Variants in MET observed in about 807,000 individuals in gnomAD.
MET encodes MET proto-oncogene, receptor tyrosine kinase.
Under a neutral mutation model 133.1 loss-of-function variants are expected in MET, and 48 were observed. The ratio of observed to expected loss-of-function variants is 0.36; its 90% CI spans 0.29 to 0.46. The LOEUF is 0.46. Ranked by LOEUF, MET falls within the 20% of genes least tolerant of loss-of-function variation. The pLI is 1.00. For synonymous variants in MET, 628 were observed against 616.5 expected (o/e 1.02, Z -0.28); for missense variants, 1,442 against 1,695.9 (o/e 0.85, Z 2.63).
chr7:116,785,504 A>T (rs1795284769), intron 19 of MET, among the ~76,000 whole-genome samples: 1 of 152,100 alleles, frequency 6.6e-6, no homozygotes, highest in Non-Finnish European at 1.5e-5. Flanking sequence ...AAACAACCAG[A>T]TCTCCGTAGA....
intron 2 of MET, among the ~76,000 whole-genome samples, chr7:116,703,541 G>A (rs939043131): frequency 3.3e-5 from 5 of 152,068 alleles, no homozygotes; most frequent in African/African-American, 1.2e-4. Context: ...AGGCCCATAT[G>A]TAGGGAGAAA....
At chr7:116,700,812 T>TA (rs1269394190) in intron 2 of MET, among the ~76,000 whole-genome samples, 1 of 152,210 alleles carries the variant, frequency 6.6e-6, no homozygotes, top group Non-Finnish European at 1.5e-5. Flanking sequence ...AACTTAACTT[T>TA]AAAAAACCTC....
intron 3 of MET, among the ~76,000 whole-genome samples, chr7:116,734,623 A>C (rs1434698879): frequency 6.6e-6 from 1 of 152,256 alleles, no homozygotes; most frequent in Non-Finnish European, 1.5e-5. Flanking sequence ...ATATCTGCAG[A>C]GCCATGTCAA....
chr7:116,678,837 C>T (rs955229338), intron 1 of MET, among the ~76,000 whole-genome samples: 1 of 152,132 alleles, frequency 6.6e-6, no homozygotes, highest in Non-Finnish European at 1.5e-5. Flanking sequence ...TAAATCATTA[C>T]TCACAAACTG....
chr7:116,763,885 G>C (rs1038802243), intron 11 of MET, among the ~76,000 whole-genome samples: 1 of 152,188 alleles, frequency 6.6e-6, no homozygotes, highest in African/African-American at 2.4e-5. Context: ...ATAAAGACTA[G>C]AGTGCAGCTT....
intron 1 of MET, among the ~76,000 whole-genome samples, chr7:116,689,701 T>A (rs1245964675): frequency 6.6e-6 from 1 of 151,442 alleles, no homozygotes; most frequent in African/African-American, 2.4e-5. Context: ...CCACAGTAGC[T>A]GGGACTATAG....
At chr7:116,698,250 C>T (rs374557763) in intron 1 of MET, among the ~76,000 whole-genome samples, 6 of 152,252 alleles carry the variant, frequency 3.9e-5, no homozygotes, top group African/African-American at 1.4e-4. Flanking sequence ...CATAGAAATA[C>T]TGTCTATATG....
chr7:116,715,673 A>G (rs776449230), intron 2 of MET, among the ~76,000 whole-genome samples: 17 of 152,198 alleles, frequency 1.1e-4, no homozygotes, highest in Non-Finnish European at 2.5e-4. Flanking sequence ...TTAAGCCTCA[A>G]AACAAATCTG....
intron 2 of MET, 142 bp from the exon 3 acceptor site, chr7:116,731,526 A>G: frequency 5.1e-6 from 4 of 787,032 alleles, no homozygotes; most frequent in Non-Finnish European, 4.2e-6. Context: ...AGAAATATTT[A>G]TGCCTATCTG....
chr7:116,682,355 T>A (rs1387785357), intron 1 of MET, among the ~76,000 whole-genome samples: 1 of 152,270 alleles, frequency 6.6e-6, no homozygotes, highest in Non-Finnish European at 1.5e-5. Context: ...CAGAGTTAGA[T>A]GATCATTATA....
rs1443564966 is a variant in MET at position 116,797,293 on chromosome 7, G to T, written c.*1169G>T. On this transcript the variant is annotated 3_prime_UTR_variant, in exon 21 of 21. Coordinates refer to ENST00000397752, the MANE Select transcript of MET (RefSeq NM_000245.4). ...AAAAGGTTCATTGGTTCCAATCACA[G>T]CTCATAGGTAGAGCAAAGAAAGGGT... 2 of 224,308 alleles carry T rather than the reference G, an allele frequency of 8.9e-6. No individual in the cohort carries two copies. Among genetic ancestry groups the T allele is most frequent in the Non-Finnish European group, 1.8e-5 (2 of 112,932 alleles). The allele number at this position is 224,308 out of a possible 1,614,324, so 13.9% of individuals were successfully genotyped here.
intron 3 of MET, among the ~76,000 whole-genome samples, chr7:116,733,041 A>T (rs1793077980): frequency 6.6e-6 from 1 of 151,852 alleles, no homozygotes; most frequent in South Asian, 2.1e-4. Flanking sequence ...TCCTCTGTCC[A>T]TTCCACTGTG....
In MET at chr7:116,672,557, C is replaced by G. The variant is rs1796012626; in HGVS notation, c.-35C>G. On this transcript the variant is annotated 5_prime_UTR_variant, in exon 1 of 21. Coordinates refer to ENST00000397752, the MANE Select transcript of MET (RefSeq NM_000245.4). ...GGTCCTTGCGCCGCTGACTTCTCCACTGGTTCCTGGGCACCGAAAGGTAAA... is the reference window on the plus strand; with the variant it reads ...GGTCCTTGCGCCGCTGACTTCTCCAGTGGTTCCTGGGCACCGAAAGGTAAA... 2.5e-6 allele frequency: 1 copy of G among 395,550 alleles called. No individual in the cohort carries two copies. Among genetic ancestry groups the G allele is most frequent in the Admixed American group, 4.4e-5 (1 of 22,630 alleles). The allele number at this position is 395,550 out of a possible 1,614,324, so 24.5% of individuals were successfully genotyped here.
At chr7:116,769,876 G>T (rs1013805784) in intron 12 of MET, 85 bp downstream of exon 12, 3 of 1,581,988 alleles carry the variant, frequency 1.9e-6, no homozygotes, top group South Asian at 1.1e-5. Flanking sequence ...AATCATTAAA[G>T]CTCATTTATG....
chr7:116,796,243 G>C lies in MET; in HGVS notation c.*119G>C. The C allele has an allele frequency of 1.1e-6, 1 of 895,934 alleles. No homozygotes were observed. The highest frequency in any genetic ancestry group is 1.8e-5 in the Admixed American group (1 of 56,378). The allele number at this position is 895,934 out of a possible 1,614,324, so 55.5% of individuals were successfully genotyped here. A position where few individuals can be genotyped will look rare whatever the true frequency, so the allele number is the denominator to read the frequency against. On this transcript the variant is annotated 3_prime_UTR_variant, in exon 21 of 21. Coordinates refer to ENST00000397752, the MANE Select transcript of MET (RefSeq NM_000245.4). Reference sequence around the variant, plus strand: ...CCAAAATTGCACTATTATAGGACTTGTATTGTTATTTAAATTACTGGATTC... The same window carrying C: ...CCAAAATTGCACTATTATAGGACTTCTATTGTTATTTAAATTACTGGATTC...
chr7:116,794,590 TGCTGGGTACTGCAA>T (rs981595494), intron 19 of MET, among the ~76,000 whole-genome samples: 2 of 152,240 alleles, frequency 1.3e-5, no homozygotes, highest in African/African-American at 4.8e-5. Flanking sequence ...TTCTCCTTCT[TGCTGGGTACTGCAA>T]GCTACACTTG....
rs764256174 is a variant in MET, at chr7:116,797,204, T to G, written c.*1080T>G. ...AAATGAAAACTCAAAATAAGACAAG[T>G]AATTTGTTGATAAATATTTTTAAAG... On this transcript the variant is annotated 3_prime_UTR_variant, in exon 21 of 21. Transcript: ENST00000397752. The G allele has an allele frequency of 4.8e-6, 1 of 207,412 alleles. No individual in the cohort carries two copies. The highest frequency in any genetic ancestry group is 9.8e-6 in the Non-Finnish European group (1 of 101,702). 12.8% of individuals were successfully genotyped at this position (207,412 alleles called of 1,614,324 possible).
chr7:116,706,777 G>A (rs1203246387), intron 2 of MET, among the ~76,000 whole-genome samples: 1 of 151,952 alleles, frequency 6.6e-6, no homozygotes, highest in Non-Finnish European at 1.5e-5. Context: ...GCCCAGATAT[G>A]TGCCCTAAGT....
At chr7:116,753,788 T>G (rs942700438) in intron 5 of MET, among the ~76,000 whole-genome samples, 1 of 152,196 alleles carries the variant, frequency 6.6e-6, no homozygotes, top group Non-Finnish European at 1.5e-5. Context: ...CTAACCAGCC[T>G]GGTATACATC....
Sources: gnomAD v4.1 joint callset for allele counts (sites outside exome capture counted in the v4.1 genomes callset) on GRCh38, gnomAD v4.1.1 for gene constraint, MANE v1.5 for transcripts, NCBI Gene and HGNC (gene_info 2026-07-23, HGNC 2026-07-21) for gene names.